The following IL12RB2 variants were observed in gnomAD, a reference collection of about 807,000 sequenced individuals.
IL12RB2 encodes interleukin-12 receptor subunit beta-2.
Under a neutral mutation model 89.4 loss-of-function variants are expected in IL12RB2, and 82 were observed. The observed-to-expected ratio is 0.92, with a 90% CI of 0.77 to 1.10. IL12RB2 has a LOEUF of 1.10. IL12RB2 is among the 50% of genes least tolerant of loss of function. The pLI is 0.00. For synonymous variants in IL12RB2, 368 were observed against 370.1 expected (o/e 0.99, Z 0.07); for missense variants, 963 against 1,031.9 (o/e 0.93, Z 0.92).
chr1:67,392,275 T>G (rs1336699288), intron 16 of IL12RB2, among the ~76,000 whole-genome samples: 3 of 152,134 alleles, frequency 2.0e-5, no homozygotes, highest in African/African-American at 7.2e-5. Context: ...TCGGGCATAA[T>G]GTAAAGGTGC....
chr1:67,377,859 C>G (rs761552823), intron 13 of IL12RB2, among the ~76,000 whole-genome samples: 68 of 152,140 alleles, frequency 4.5e-4, no homozygotes, highest in Admixed American at 8.5e-4. Flanking sequence ...GGTGCGGTGG[C>G]TCACGCCTGT....
rs555520053 is a variant in IL12RB2 at position 67,365,977 on chromosome 1, G to C, written c.1259-1848G>C. On this transcript the variant is annotated intron_variant, in intron 10 of 16. Transcript: ENST00000674203. The stretch of plus-strand genomic sequence containing the variant: ...AAGTTATCAGAGAGTTGACAGGCTA[G>C]GTAAGATACTGTTGAAAACTGTTAT... Among the ~76,000 whole-genome samples, 403 of 152,150 alleles carry C rather than the reference G, an allele frequency of 2.6e-3. 2 individuals are homozygous for C. Among genetic ancestry groups the C allele is most frequent in the African/African-American group, 9.4e-3 (389 of 41,504 alleles).
At chr1:67,386,872 T>TTTTTTATATATATA (rs1473033781) in intron 15 of IL12RB2, among the ~76,000 whole-genome samples, 4 of 48,436 alleles carry the variant, frequency 8.3e-5, no homozygotes, top group Admixed American at 2.3e-4. Flanking sequence ...GAAATGTATT[T>TTTTTTATATATATA]TATATATATA....
At chr1:67,335,240 C>T (rs1468276791) in intron 8 of IL12RB2, among the ~76,000 whole-genome samples, 1 of 152,110 alleles carries the variant, frequency 6.6e-6, no homozygotes, top group East Asian at 1.9e-4. Flanking sequence ...ATTAATGACA[C>T]AGGGAAGGTG....
chr1:67,390,083 A>G lies in IL12RB2; in HGVS notation c.2001A>G (p.Pro667=). ...CTCAGTGGTGTAGCAGAGAAATTCC[A>G]GATCCAGCAAATAGCACTTGCGCTA... is the stretch of plus-strand genomic sequence containing the variant. ...LRPQWCSREI[P]DPANSTCAKK... Residue 667 remains proline (P), a synonymous_variant, in exon 16 of 17, where the codon CCA becomes CCG. Transcript: ENST00000674203. 7.2e-7 allele frequency: 1 copy of G among 1,397,196 alleles called. No homozygotes were observed. The highest frequency in any genetic ancestry group is 1.0e-6 in the Non-Finnish European group (1 of 981,790). 86.5% of individuals were successfully genotyped at this position (1,397,196 alleles called of 1,614,324 possible). A position where few individuals can be genotyped will look rare whatever the true frequency, so the allele number is the denominator to read the frequency against.
intron 13 of IL12RB2, among the ~76,000 whole-genome samples, chr1:67,379,649 C>T (rs1470447242): frequency 6.6e-6 from 1 of 150,994 alleles, no homozygotes; most frequent in Non-Finnish European, 1.5e-5. Context: ...TTAACTTTAG[C>T]TAAATATTTT....
intron 10 of IL12RB2, among the ~76,000 whole-genome samples, chr1:67,364,405 A>C (rs548275528): frequency 1.3e-5 from 2 of 152,254 alleles, no homozygotes; most frequent in East Asian, 3.9e-4. Context: ...TAAATAAATA[A>C]ATTTTAAAAT....
rs548700178 is a variant in IL12RB2 at position 67,361,223 on chromosome 1, C to T, written c.1259-6602C>T. Among the ~76,000 whole-genome samples, 8 of 152,214 alleles carry T rather than the reference C, an allele frequency of 5.3e-5. No homozygotes were observed. The East Asian group carries it at 1.5e-3, about 29-fold the overall frequency. Reference sequence around the variant, plus strand: ...TATGCTTTTACTTAGTAAATCATATCCACCTTTCAACAAAAAATTATAAGG... The same window carrying T: ...TATGCTTTTACTTAGTAAATCATATTCACCTTTCAACAAAAAATTATAAGG... On this transcript the variant is annotated intron_variant, in intron 10 of 16. Transcript: ENST00000674203.
intron 10 of IL12RB2, among the ~76,000 whole-genome samples, chr1:67,354,419 C>T (rs189378279): frequency 5.9e-5 from 9 of 152,112 alleles, no homozygotes; most frequent in Non-Finnish European, 1.0e-4. Context: ...GAGCCAGTGA[C>T]CAAAAGAGGG....
chr1:67,321,743 T>G lies in IL12RB2; in HGVS notation c.218T>G (p.Phe73Cys), dbSNP rs1443513017. The G allele has an allele frequency of 6.2e-7, 1 of 1,613,296 alleles. No homozygotes were observed. The highest frequency in any genetic ancestry group is 1.1e-5 in the South Asian group (1 of 91,070). The change falls in exon 4 of 17, where the codon TTT (phenylalanine) becomes TGT (cysteine). Residue 73 changes from phenylalanine (F) to cysteine (C), a missense_variant. Coordinates refer to ENST00000674203, the MANE Select transcript of IL12RB2 (RefSeq NM_001374259.2). ...CGTAACAAGTTAATCCTGTACAAGT[T>G]TGACAGAAGAATCAATTTTCACCAT... ...SRRNKLILYKFDRRINFHHGH... is the reference protein window; with the variant it reads ...SRRNKLILYKCDRRINFHHGH...
chr1:67,351,152 C>A, intron 10 of IL12RB2, 63 bp downstream of exon 10: 1 of 1,585,270 alleles, frequency 6.3e-7, no homozygotes, highest in Non-Finnish European at 8.6e-7. Flanking sequence ...TCTCTTATCT[C>A]CTGCAGGCCC....
At chr1:67,385,939 G>A (rs932287652) in intron 14 of IL12RB2, among the ~76,000 whole-genome samples, 9 of 152,038 alleles carry the variant, frequency 5.9e-5, no homozygotes, top group African/African-American at 1.2e-4. Flanking sequence ...GGCCGGGCAC[G>A]GTGGCTCACG....
At chr1:67,395,333 T>C (rs1273746687) in intron 16 of IL12RB2, among the ~76,000 whole-genome samples, 1 of 151,726 alleles carries the variant, frequency 6.6e-6, no homozygotes, top group Non-Finnish European at 1.5e-5. Context: ...AATCACTCAC[T>C]GGCTGGGGGT....
rs548726737 is a variant in IL12RB2, at chr1:67,328,344, C to T, written c.624C>T (p.Ser208=). 5.0e-6 allele frequency: 8 copies of T among 1,614,176 alleles called. No homozygotes were observed. The Admixed American group carries it at 6.7e-5, about 13-fold the overall frequency. The part of the protein sequence containing the change: ...AKVTAVNSLG[S]SSSLPSTFTF... ...TTACTGCTGTCAATAGTCTTGGAAGCTCCTCTTCACTTCCATCCACATTCA... is the reference window on the plus strand; with the variant it reads ...TTACTGCTGTCAATAGTCTTGGAAGTTCCTCTTCACTTCCATCCACATTCA... Residue 208 remains serine, a synonymous_variant, in exon 6 of 17, where the codon AGC becomes AGT. Transcript: ENST00000674203.
At chr1:67,366,452 C>CAAA (rs11329710) in intron 10 of IL12RB2, among the ~76,000 whole-genome samples, 691 of 50,882 alleles carry the variant, frequency 0.014, no homozygotes, top group Middle Eastern at 0.024. Context: ...GACTCCATCT[C>CAAA]AAAAAAAAAA....
chr1:67,350,618 A>T (rs990963200), intron 9 of IL12RB2, among the ~76,000 whole-genome samples: 1 of 152,242 alleles, frequency 6.6e-6, no homozygotes, highest in Non-Finnish European at 1.5e-5. Context: ...GTTTCATTTT[A>T]AAGCAAAAAA....
At chr1:67,313,127 C>T (rs1655304907) in intron 1 of IL12RB2, among the ~76,000 whole-genome samples, 1 of 152,144 alleles carries the variant, frequency 6.6e-6, no homozygotes, top group Non-Finnish European at 1.5e-5. Context: ...ATTTTCATGA[C>T]CATAACTCAG....
intron 1 of IL12RB2, among the ~76,000 whole-genome samples, chr1:67,312,312 C>T (rs961866208): frequency 6.6e-6 from 1 of 152,074 alleles, no homozygotes; most frequent in Non-Finnish European, 1.5e-5. Flanking sequence ...TGAACACTTG[C>T]CATGAAAGTT....
In IL12RB2 at chr1:67,355,724, C is replaced by A. The variant is rs186759936; in HGVS notation, c.1258+4635C>A. Among the ~76,000 whole-genome samples the A allele has an allele frequency of 2.6e-5, 4 of 152,332 alleles. No homozygotes were observed. The East Asian group carries it at 7.7e-4, about 29-fold the overall frequency. Reference sequence around the variant, plus strand: ...TGAACGTTATAACTTCATACAGAAGCTCTCAGTGAAAATGGAGATGGGAAG... The same window carrying A: ...TGAACGTTATAACTTCATACAGAAGATCTCAGTGAAAATGGAGATGGGAAG... On this transcript the variant is annotated intron_variant, in intron 10 of 16. Transcript: ENST00000674203.
Sources: allele counts gnomAD v4.1 joint callset (sites outside exome capture counted in the v4.1 genomes callset), GRCh38; gene constraint gnomAD v4.1.1; transcripts MANE v1.5; gene names NCBI Gene and HGNC (gene_info 2026-07-23, HGNC 2026-07-21).